ATG7: variants seen among roughly 807,000 people sequenced by gnomAD.
ATG7 encodes autophagy related 7.
Under a neutral mutation model 82.4 loss-of-function variants are expected in ATG7, and 70 were observed. The ratio of observed to expected loss-of-function variants is 0.85; its 90% confidence interval spans 0.70 to 1.04. The LOEUF is 1.04. ATG7 is among the 50% of genes least tolerant of loss of function. The pLI is 0.00. For missense variants in ATG7, 792 were observed against 864.3 expected (o/e 0.92, Z 1.05); for synonymous variants, 287 against 313.0 (o/e 0.92, Z 0.88).
At chr3:11,348,235 C>A in intron 14 of ATG7, 200 bp downstream of exon 14, 1 of 651,506 alleles carries the variant, frequency 1.5e-6, no homozygotes, top group African/African-American at 1.8e-5. Context: ...TGGCTCATAC[C>A]TGCAATCCCA....
intron 20 of ATG7, among the ~76,000 whole-genome samples, chr3:11,474,976 G>A (rs941913085): frequency 7.2e-5 from 11 of 152,088 alleles, no homozygotes; most frequent in South Asian, 4.1e-4. Context: ...CTTGCAGGCT[G>A]TGAGACCTAG....
chr3:11,352,256 G>A lies in ATG7; in HGVS notation c.1284+4221G>A, dbSNP rs1306331825. Among the ~76,000 whole-genome samples, 10 of 152,242 alleles carry A rather than the reference G, an allele frequency of 6.6e-5. No homozygotes were observed. In the South Asian group the frequency reaches 2.1e-3, roughly 32 times the overall value. Reference sequence around the variant, plus strand: ...TTTCTTAATCCAGTCTATCATTGATGGACATTTGGGTTGGTTCCAAGTCTT... The same window carrying A: ...TTTCTTAATCCAGTCTATCATTGATAGACATTTGGGTTGGTTCCAAGTCTT... On this transcript the variant is annotated intron_variant, in intron 14 of 20. Coordinates refer to ENST00000693202, the MANE Select transcript of ATG7 (RefSeq NM_001349232.2).
the ATG7 span, among the ~76,000 whole-genome samples, chr3:11,571,556 T>C: frequency 9.2e-5 from 14 of 151,960 alleles, no homozygotes; most frequent in African/African-American, 3.1e-4. Context: ...TGGTAGCGCC[T>C]GTAATCCCAG....
At chr3:11,376,622 A>AGTT (rs1159905978) in intron 18 of ATG7, among the ~76,000 whole-genome samples, 1 of 152,212 alleles carries the variant, frequency 6.6e-6, no homozygotes, top group Admixed American at 6.5e-5. Context: ...TCAGCTTAGC[A>AGTT]GTTGTACAGA....
intron 20 of ATG7, among the ~76,000 whole-genome samples, chr3:11,459,954 G>A (rs2086143732): frequency 6.6e-6 from 1 of 152,238 alleles, no homozygotes; most frequent in African/African-American, 2.4e-5. Context: ...TTTGGGGTCT[G>A]TGCTCTTATC....
At chr3:11,402,921 C>T (rs1286080804) in intron 19 of ATG7, among the ~76,000 whole-genome samples, 1 of 152,116 alleles carries the variant, frequency 6.6e-6, no homozygotes, top group Non-Finnish European at 1.5e-5. Context: ...TTAGATTTCT[C>T]CTGTTTTAAA....
intron 20 of ATG7, among the ~76,000 whole-genome samples, chr3:11,481,208 C>T (rs2088929262): frequency 6.6e-6 from 1 of 152,176 alleles, no homozygotes; most frequent in Non-Finnish European, 1.5e-5. Context: ...AAGGTTTCAG[C>T]TGGGGGCAGA....
rs2077108545 is a variant in ATG7 at position 11,372,830 on chromosome 3, G to A, written c.1876-7142G>A. ...TGTGTGTGTGTGCGCGCGTGTGCGT[G>A]TGTGTGCGTGCGTGCGTGTGCGTGT... On this transcript the variant is annotated intron_variant, in intron 18 of 20. Transcript: ENST00000693202. Among the ~76,000 whole-genome samples, 6 of 112,638 alleles carry A rather than the reference G, an allele frequency of 5.3e-5. No homozygotes were observed. In the South Asian group the frequency reaches 1.3e-3, roughly 24 times the overall value. 73.9% of individuals were successfully genotyped at this position (112,638 alleles called of 152,430 possible).
intron 1 of ATG7, among the ~76,000 whole-genome samples, chr3:11,275,514 A>AATT (rs1441855603): frequency 1.6e-4 from 21 of 130,992 alleles, no homozygotes; most frequent in African/African-American, 5.7e-4. Flanking sequence ...ATGCCCGGCT[A>AATT]ATTTTTTTTT....
At chr3:11,435,835 A>G (rs1338611718) in intron 20 of ATG7, among the ~76,000 whole-genome samples, 1 of 152,220 alleles carries the variant, frequency 6.6e-6, no homozygotes, top group Admixed American at 6.5e-5. Flanking sequence ...AAAATTTTAA[A>G]TTTTGTGCTT....
intron 19 of ATG7, among the ~76,000 whole-genome samples, chr3:11,417,805 A>ATTTTTTTTTTTTTTTTTTTTTT (rs200364263): frequency 1.9e-5 from 1 of 52,740 alleles, no homozygotes; most frequent in African/African-American, 6.5e-5. Context: ...TTATTATTTT[A>ATTTTTTTTTTTTTTTTTTTTTT]TTTTATTTTA....
At chr3:11,545,842 G>A (rs895040173) in intron 20 of ATG7, among the ~76,000 whole-genome samples, 1 of 152,232 alleles carries the variant, frequency 6.6e-6, no homozygotes, top group Non-Finnish European at 1.5e-5. Context: ...GCAGCCTCCT[G>A]CAGAAGAAGT....
At chr3:11,341,357 G>C (rs188770590) in intron 12 of ATG7, among the ~76,000 whole-genome samples, 217 of 152,024 alleles carry the variant, frequency 1.4e-3, no homozygotes, top group African/African-American at 5.0e-3. Context: ...ACCACACCCA[G>C]CCCTTATTGG....
intron 11 of ATG7, among the ~76,000 whole-genome samples, chr3:11,336,966 C>T (rs1188318246): frequency 2.6e-5 from 4 of 152,172 alleles, no homozygotes; most frequent in Non-Finnish European, 4.4e-5. Context: ...AGCTACCTTG[C>T]GCAGTCGAGG....
At chr3:11,519,424 A>T (rs2092371801) in intron 20 of ATG7, among the ~76,000 whole-genome samples, 1 of 151,204 alleles carries the variant, frequency 6.6e-6, no homozygotes, top group Non-Finnish European at 1.5e-5. Flanking sequence ...GATTGACTTG[A>T]GAAGCACCAG....
At chr3:11,392,755 A>G (rs752183380) in intron 19 of ATG7, among the ~76,000 whole-genome samples, 2 of 152,112 alleles carry the variant, frequency 1.3e-5, no homozygotes, top group Non-Finnish European at 2.9e-5. Context: ...ATGCACCACA[A>G]TTGTTGCAAA....
rs189383303 is a variant in ATG7 at position 11,458,732 on chromosome 3, T to A, written c.2079+31806T>A. On this transcript the variant is annotated intron_variant, in intron 20 of 20. Transcript: ENST00000693202. ...GCACAGGATAAAAAAAGAGAACTTG[T>A]TTCAACAAGATAATTCTCTGTCTTT... 2.7e-3 allele frequency among the ~76,000 whole-genome samples: 415 copies of A among 152,296 alleles called. 2 individuals are homozygous for A. The highest frequency in any genetic ancestry group is 9.4e-3 in the African/African-American group (390 of 41,560).
At chr3:11,574,093 C>T in the ATG7 span, among the ~76,000 whole-genome samples, 1,043 of 152,340 alleles carry the variant, frequency 6.8e-3, 7 homozygotes, top group Non-Finnish European at 0.01. Flanking sequence ...GCCCTGCTGA[C>T]ACCTTGATCT....
intron 20 of ATG7, among the ~76,000 whole-genome samples, chr3:11,497,501 A>C (rs1243616862): frequency 7.5e-6 from 1 of 133,096 alleles, no homozygotes; most frequent in African/African-American, 2.9e-5. Context: ...ACACCACTGC[A>C]CTCCAGCCTG....
Sources: gnomAD v4.1 joint callset for allele counts (sites outside exome capture counted in the v4.1 genomes callset) on GRCh38, gnomAD v4.1.1 for gene constraint, MANE v1.5 for transcripts, NCBI Gene and HGNC (gene_info 2026-07-23, HGNC 2026-07-21) for gene names.